The following OSTF1 variants were observed in gnomAD, a reference collection of about 807,000 sequenced individuals.
OSTF1 encodes the protein osteoclast-stimulating factor 1.
A neutral mutation model predicts 37.2 loss-of-function variants in OSTF1; 27 were observed. The ratio of observed to expected loss-of-function variants is 0.73; its 90% CI spans 0.54 to 1.00. The LOEUF (loss-of-function observed/expected upper bound fraction) is 1.00. OSTF1 is among the 50% of genes least tolerant of loss of function. The probability of loss-of-function intolerance (pLI) is 0.00; values close to 1 mark genes in which losing one functional copy is unlikely to be tolerated. For synonymous variants in OSTF1, 82 were observed against 89.2 expected (o/e 0.92, Z 0.46); for missense variants, 232 against 253.8 (o/e 0.91, Z 0.58).
chr9:75,101,032 C>T (rs1214555756), intron 1 of OSTF1, among the ~76,000 whole-genome samples: 1 of 152,142 alleles, frequency 6.6e-6, no homozygotes, highest in East Asian at 1.9e-4. Flanking sequence ...TGGAAAATAC[C>T]TTGACATTTC....
At chr9:75,089,775 C>A (rs925644033) in intron 1 of OSTF1, among the ~76,000 whole-genome samples, 1 of 152,194 alleles carries the variant, frequency 6.6e-6, no homozygotes, top group Non-Finnish European at 1.5e-5. Context: ...AAGTAACTTT[C>A]TTTGCAAGAG....
chr9:75,124,522 C>G (rs928296575), intron 2 of OSTF1, among the ~76,000 whole-genome samples: 1 of 152,104 alleles, frequency 6.6e-6, no homozygotes, highest in South Asian at 2.1e-4. Context: ...TGAGAACATG[C>G]GATGTTTGTT....
At chr9:75,145,357 A>T (rs1426999873) in intron 9 of OSTF1, among the ~76,000 whole-genome samples, 1 of 152,148 alleles carries the variant, frequency 6.6e-6, no homozygotes, top group South Asian at 2.1e-4. Context: ...CTAATCATGT[A>T]TCTTTCTTGG....
chr9:75,116,605 C>CT (rs75110694), intron 1 of OSTF1, among the ~76,000 whole-genome samples: 6,133 of 122,808 alleles, frequency 0.05, 188 homozygotes, highest in Middle Eastern at 0.071. Flanking sequence ...CCAATGGGTC[C>CT]TTTTTTTTTT....
At chr9:75,138,659 T>C (rs1825880426) in intron 8 of OSTF1, among the ~76,000 whole-genome samples, 1 of 152,230 alleles carries the variant, frequency 6.6e-6, no homozygotes, top group Non-Finnish European at 1.5e-5. Context: ...TTTGCAAATG[T>C]GGCTGTTAGA....
Position 75,126,209 on chromosome 9 carries a change from C to A in OSTF1, c.82-1360C>A, listed in dbSNP as rs139835755. Among the ~76,000 whole-genome samples the A allele has an allele frequency of 7.2e-5, 11 of 152,334 alleles. No homozygotes were observed. The South Asian group carries it at 8.3e-4, about 11-fold the overall frequency. The stretch of plus-strand genomic sequence containing the variant: ...GAATTGCAGGCATGAGCTACCACGC[C>A]TGGCTGGATGAAGTAATTTGTTTCA... On this transcript the variant is annotated intron_variant, in intron 2 of 9. Transcript: ENST00000346234.
intron 1 of OSTF1, among the ~76,000 whole-genome samples, chr9:75,090,290 G>T (rs1824945445): frequency 7.6e-6 from 1 of 130,996 alleles, no homozygotes; most frequent in Admixed American, 7.9e-5. Flanking sequence ...GAGGGACATT[G>T]ACAGGTGTGT....
chr9:75,124,358 G>A (rs957760519), intron 2 of OSTF1, among the ~76,000 whole-genome samples: 8 of 152,088 alleles, frequency 5.3e-5, no homozygotes, highest in African/African-American at 1.9e-4. Context: ...TCAAATAATA[G>A]GTCTTATTAT....
At chr9:75,102,798 C>T (rs1825216698) in intron 1 of OSTF1, among the ~76,000 whole-genome samples, 1 of 152,162 alleles carries the variant, frequency 6.6e-6, no homozygotes. Flanking sequence ...CTACTTTTAT[C>T]TCCAAAATTA....
Position 75,118,851 on chromosome 9 carries a change from A to T in OSTF1, c.81+1301A>T, listed in dbSNP as rs549319310. 2.0e-5 allele frequency among the ~76,000 whole-genome samples: 3 copies of T among 152,312 alleles called. No individual in the cohort carries two copies. In the East Asian group the frequency reaches 5.8e-4, roughly 29 times the overall value. On this transcript the variant is annotated intron_variant, in intron 2 of 9. Coordinates refer to ENST00000346234, the MANE Select transcript of OSTF1 (RefSeq NM_012383.5). The stretch of plus-strand genomic sequence containing the variant: ...TTATCTCCCACCAGGTGCCTCCCAC[A>T]ACACATGGGGATTATGGGACCTACA...
At chr9:75,115,649 T>TA (rs796120521) in intron 1 of OSTF1, among the ~76,000 whole-genome samples, 23 of 150,706 alleles carry the variant, frequency 1.5e-4, no homozygotes, top group African/African-American at 5.7e-4. Flanking sequence ...TTTTTTGTTT[T>TA]TTTTTTGTTT....
chr9:75,094,043 A>T (rs1045099766), intron 1 of OSTF1, among the ~76,000 whole-genome samples: 1 of 152,196 alleles, frequency 6.6e-6, no homozygotes, highest in Non-Finnish European at 1.5e-5. Flanking sequence ...CAAGTAAACT[A>T]TCTAAGATCT....
At chr9:75,130,416 G>A (rs939803504) in intron 3 of OSTF1, among the ~76,000 whole-genome samples, 162 bp from the exon 4 acceptor site, 19 of 152,312 alleles carry the variant, frequency 1.2e-4, no homozygotes, top group Admixed American at 1.2e-3. Flanking sequence ...TGAGTGGTAA[G>A]GGAGACGGAC....
intron 1 of OSTF1, among the ~76,000 whole-genome samples, chr9:75,090,928 T>G (rs2118358453): frequency 6.6e-6 from 1 of 152,314 alleles, no homozygotes; most frequent in East Asian, 1.9e-4. Flanking sequence ...CTCAACAATC[T>G]TATGAGATCA....
intron 1 of OSTF1, among the ~76,000 whole-genome samples, 155 bp from the exon 2 acceptor site, chr9:75,117,349 C>T (rs1825506887): frequency 6.6e-6 from 1 of 152,150 alleles, no homozygotes; most frequent in African/African-American, 2.4e-5. Context: ...CCCTGTCCTT[C>T]CTTTCTCTCT....
intron 7 of OSTF1, among the ~76,000 whole-genome samples, chr9:75,134,941 G>C (rs1207249207): frequency 6.6e-6 from 1 of 152,030 alleles, no homozygotes; most frequent in African/African-American, 2.4e-5. Flanking sequence ...GTTTTATACA[G>C]TCTTGATATA....
At chr9:75,126,156 C>T (rs1825658392) in intron 2 of OSTF1, among the ~76,000 whole-genome samples, 1 of 152,148 alleles carries the variant, frequency 6.6e-6, no homozygotes, top group Non-Finnish European at 1.5e-5. Context: ...CTCAAGTGAT[C>T]TGCCCGCCTC....
At chr9:75,121,017 G>C (rs79335586) in intron 2 of OSTF1, among the ~76,000 whole-genome samples, 1 of 152,200 alleles carries the variant, frequency 6.6e-6, no homozygotes, top group African/African-American at 2.4e-5. Flanking sequence ...TAGACACAGC[G>C]TCTGAGGAAG....
At chr9:75,115,263 T>C (rs570492088) in intron 1 of OSTF1, among the ~76,000 whole-genome samples, 17 of 152,288 alleles carry the variant, frequency 1.1e-4, no homozygotes, top group African/African-American at 4.1e-4. Context: ...GATAACATTC[T>C]TCTAGTGCTG....
Sources: allele counts gnomAD v4.1 joint callset (sites outside exome capture counted in the v4.1 genomes callset), GRCh38; gene constraint gnomAD v4.1.1; transcripts MANE v1.5; gene names NCBI Gene and HGNC (gene_info 2026-07-23, HGNC 2026-07-21).